The following LYST variants were observed in gnomAD, a reference collection of about 807,000 sequenced individuals.
The protein encoded by LYST is lysosomal trafficking regulator.
A neutral mutation model predicts 413.6 loss-of-function variants in LYST; 192 were observed. That is an observed-to-expected ratio of 0.46 (90% CI 0.41 to 0.52). LYST has a LOEUF of 0.52. LYST is among the 20% of genes least tolerant of loss of function. The probability of loss-of-function intolerance (pLI) is 0.00; values close to 1 mark genes in which losing one functional copy is unlikely to be tolerated. For synonymous variants in LYST, 1,525 were observed against 1,567.3 expected, an observed-to-expected ratio of 0.97 and a Z score of 0.64; for missense variants, 3,815 against 4,499.9, an observed-to-expected ratio of 0.85 and a Z score of 4.35.
At chr1:235,880,283 C>A (rs1428540031) in intron 1 of LYST, among the ~76,000 whole-genome samples, 4 of 152,178 alleles carry the variant, frequency 2.6e-5, no homozygotes, top group Non-Finnish European at 4.4e-5. Flanking sequence ...GAAAAAAACT[C>A]AGCAGGCTTG....
intron 17 of LYST, among the ~76,000 whole-genome samples, chr1:235,775,611 T>C (rs904278898): frequency 6.6e-6 from 1 of 151,952 alleles, no homozygotes; most frequent in Non-Finnish European, 1.5e-5. Context: ...AATGAGACAA[T>C]AGGTATTCTG....
At position 235,805,754 on chromosome 1, in the gene LYST, A is replaced by T; in HGVS notation, c.3382T>A (p.Leu1128Ile). 6.2e-7 allele frequency: 1 copy of T among 1,612,624 alleles called. No homozygotes were observed. Among genetic ancestry groups the T allele is most frequent in the Non-Finnish European group, 8.5e-7 (1 of 1,179,284 alleles). The change falls in exon 6 of 53, where the codon TTA becomes ATA. Residue 1128 changes from leucine (L) to isoleucine (I), a missense_variant. By Grantham distance (5) the Leu-to-Ile change is conservative. This residue lies in a region of LYST where 1,648 missense variants were observed against 1,810.3 expected (regional missense o/e 0.91). Coordinates refer to ENST00000389793, the MANE Select transcript of LYST (RefSeq NM_000081.4). ...RTSQQKMELE[L>I]PNQNLSVESI... ...GGACAAGGTATTACCTGATTAGGTA[A>T]CTCCAATTCCATCTTCTGTTGACTA...
rs1558166706 is a variant in LYST at position 235,734,547 on chromosome 1, C to T, written c.8471G>A (p.Cys2824Tyr). 1 of 1,613,650 alleles carries T rather than the reference C, an allele frequency of 6.2e-7. No individual in the cohort carries two copies. Among genetic ancestry groups the T allele is most frequent in the Admixed American group, 1.7e-5 (1 of 60,010 alleles). The change falls in exon 32 of 53, where the codon TGT becomes TAT. Residue 2824 changes from cysteine to tyrosine, a missense_variant. This residue lies in a region of LYST where 771 missense variants were observed against 837.1 expected (regional missense o/e 0.92). Transcript: ENST00000389793. The stretch of plus-strand genomic sequence containing the variant: ...ACTGGGAGGGATGCACTTGTGACCA[C>T]ATAACTTCAAAGCATTCATAAGCAG... ...AELLMNALKL[C>Y]GHKCIPPSAS...
chr1:235,793,529 T>C lies in LYST; in HGVS notation c.4090A>G (p.Ile1364Val). ...GTACAAGGAGATTTCTCCAGAAATA[T>C]TCTCAAAAGAAGGGTTAGCTCTTCT... The part of the protein sequence containing the change: ...CSEELTLLLR[I>V]FLEKSPCTKI... The change falls in exon 11 of 53, where the codon ATA becomes GTA. Residue 1364 changes from isoleucine (I) to valine (V), a missense_variant. Ile to Val is a conservative substitution (Grantham distance 29, BLOSUM62 3). This residue lies in a region of LYST where 1,648 missense variants were observed against 1,810.3 expected (regional missense o/e 0.91). Coordinates refer to ENST00000389793, the MANE Select transcript of LYST (RefSeq NM_000081.4). The C allele has an allele frequency of 6.3e-7, 1 of 1,574,942 alleles. No individual in the cohort carries two copies. The highest frequency in any genetic ancestry group is 8.7e-7 in the Non-Finnish European group (1 of 1,147,788).
At chr1:235,766,517 T>C (rs1023891264) in intron 20 of LYST, among the ~76,000 whole-genome samples, 4 of 152,144 alleles carry the variant, frequency 2.6e-5, no homozygotes, top group African/African-American at 7.2e-5. Flanking sequence ...GTATCTTAAT[T>C]AACTGAGGCA....
At chr1:235,670,290 G>A (rs748953445) in intron 50 of LYST, among the ~76,000 whole-genome samples, 4 of 152,236 alleles carry the variant, frequency 2.6e-5, no homozygotes, top group African/African-American at 4.8e-5. Context: ...CAGGAGCTGC[G>A]TTAGGGATAA....
At chr1:235,877,310 C>A (rs1226962713) in intron 1 of LYST, among the ~76,000 whole-genome samples, 2 of 152,218 alleles carry the variant, frequency 1.3e-5, no homozygotes, top group African/African-American at 2.4e-5. Context: ...AAGAAAAATC[C>A]TTCTCCCTGC....
intron 50 of LYST, among the ~76,000 whole-genome samples, chr1:235,672,707 T>A (rs1019763245): frequency 1.3e-5 from 2 of 152,152 alleles, no homozygotes; most frequent in African/African-American, 4.8e-5. Context: ...TTAAAAAAAA[T>A]TAATTCTAGA....
At chr1:235,730,282 TCAA>T (rs952265156) in intron 36 of LYST, among the ~76,000 whole-genome samples, 1 of 151,968 alleles carries the variant, frequency 6.6e-6, no homozygotes, top group Non-Finnish European at 1.5e-5. Flanking sequence ...TACTTAATAC[TCAA>T]CAACGCTATG....
chr1:235,788,647 C>T, intron 13 of LYST, 54 bp downstream of exon 13: 1 of 1,542,066 alleles, frequency 6.5e-7, no homozygotes, highest in Non-Finnish European at 8.9e-7. Flanking sequence ...ATGTCTCTTA[C>T]ACAAATTATT....
In LYST at chr1:235,715,264, C is replaced by T. The variant is rs1662735279; in HGVS notation, c.9721G>A (p.Gly3241Ser). The T allele has an allele frequency of 2.5e-6, 4 of 1,613,820 alleles. No homozygotes were observed. Among genetic ancestry groups the T allele is most frequent in the Non-Finnish European group, 2.5e-6 (3 of 1,179,930 alleles). Residue 3241 changes from glycine (G) to serine (S), a missense_variant, in exon 42 of 53, where the codon GGC (glycine) becomes AGC (serine). Transcript: ENST00000389793. The stretch of plus-strand genomic sequence containing the variant: ...CTGACCAGGAAGTGAAGCACAGTGC[C>T]GCTATTGGAATAGTGGGAGCCATAG... ...YHYGSHYSNS[G>S]TVLHFLVRMP...
In LYST at chr1:235,783,231, G is replaced by A. The variant is rs1210688678; in HGVS notation, c.4863-1144C>T. 3.3e-5 allele frequency among the ~76,000 whole-genome samples: 5 copies of A among 151,802 alleles called. No homozygotes were observed. The South Asian group carries it at 8.3e-4, about 25-fold the overall frequency. On this transcript the variant is annotated intron_variant, in intron 14 of 52. Transcript: ENST00000389793. ...TATTTATTTTAAAAGTTTTGCCTAAGGCTCTCTGTTTCACATATAACATAT... is the reference window on the plus strand; with the variant it reads ...TATTTATTTTAAAAGTTTTGCCTAAAGCTCTCTGTTTCACATATAACATAT...
chr1:235,686,955 G>A lies in LYST; in HGVS notation c.10794C>T (p.Ser3598=), dbSNP rs1398014107. The change falls in exon 48 of 53, where the codon AGC becomes AGT. Residue 3598 remains serine (S), a synonymous_variant. Coordinates refer to ENST00000389793, the MANE Select transcript of LYST (RefSeq NM_000081.4). The surrounding 1 kb of genome is among the most constrained non-coding windows in gnomAD (Gnocchi z 4.0). ...VITAYTNRFT[S]STPSEIEMET... is the part of the protein sequence containing the mutation. ...ACAGAAGCCCAGAACCTACCGTGCTGCTTGTAAATCTGTTTGTGTAGGCTG... is the reference window on the plus strand; with the variant it reads ...ACAGAAGCCCAGAACCTACCGTGCTACTTGTAAATCTGTTTGTGTAGGCTG... The A allele has an allele frequency of 6.2e-7, 1 of 1,613,724 alleles. No individual in the cohort carries two copies. The highest frequency in any genetic ancestry group is 8.5e-7 in the Non-Finnish European group (1 of 1,179,644).
At position 235,762,850 on chromosome 1, in the gene LYST, A is replaced by G; in HGVS notation, c.6123T>C (p.Asp2041=). 2 of 1,613,192 alleles carry G rather than the reference A, an allele frequency of 1.2e-6. No homozygotes were observed. Among genetic ancestry groups the G allele is most frequent in the South Asian group, 2.2e-5 (2 of 91,040 alleles). Reference sequence around the variant, plus strand: ...GCACTTTCTCCTGAAAGATCTTGCCATCTAGAATCCAAATTTTTTTTGAAA... The same window carrying G: ...GCACTTTCTCCTGAAAGATCTTGCCGTCTAGAATCCAAATTTTTTTTGAAA... The part of the protein sequence containing the change: ...PTNFYFSLHI[D]GKIFQEKVRS... The change falls in exon 22 of 53, where the codon GAT becomes GAC. Residue 2041 remains aspartate (D), a splice_region_variant and synonymous_variant. Coordinates refer to ENST00000389793, the MANE Select transcript of LYST (RefSeq NM_000081.4).
intron 43 of LYST, 102 bp downstream of exon 43, chr1:235,711,955 C>G: frequency 1.2e-6 from 1 of 857,536 alleles, no homozygotes; most frequent in Non-Finnish European, 1.8e-6. Context: ...TTTGGGGACT[C>G]AAAAATTTTT....
At chr1:235,717,233 G>C (rs1251982807) in intron 40 of LYST, among the ~76,000 whole-genome samples, 1 of 152,284 alleles carries the variant, frequency 6.6e-6, no homozygotes. Flanking sequence ...TATTAGCCTA[G>C]TTAGTTAAAA....
chr1:235,787,045 A>G, intron 14 of LYST, 155 bp downstream of exon 14: 2 of 599,448 alleles, frequency 3.3e-6, no homozygotes, highest in South Asian at 2.1e-5. Flanking sequence ...CTTAAAGTAC[A>G]ATAATAATAA....
intron 14 of LYST, among the ~76,000 whole-genome samples, chr1:235,784,261 G>A (rs1670182933): frequency 6.6e-6 from 1 of 152,070 alleles, no homozygotes; most frequent in South Asian, 2.1e-4. Flanking sequence ...ATTTGTCCTT[G>A]GTCACTTGCT....
At chr1:235,842,815 T>C (rs1237866676) in intron 1 of LYST, among the ~76,000 whole-genome samples, 1 of 152,250 alleles carries the variant, frequency 6.6e-6, no homozygotes, top group Non-Finnish European at 1.5e-5. Flanking sequence ...TAGTTAACTT[T>C]GATATCTTAG....
Sources: allele counts gnomAD v4.1 joint callset (sites outside exome capture counted in the v4.1 genomes callset), GRCh38; gene constraint gnomAD v4.1.1; regional missense constraint gnomAD v4.1.1; non-coding constraint Gnocchi (gnomAD v3.1); transcripts MANE v1.5; gene names NCBI Gene and HGNC (gene_info 2026-07-23, HGNC 2026-07-21).